The following ANKRD6 variants were observed in gnomAD, a reference collection of about 807,000 sequenced individuals.
The protein encoded by ANKRD6 is ankyrin repeat domain-containing protein 6.
In ANKRD6, 56 loss-of-function variants were observed where a neutral mutation model predicts 82.3. The observed-to-expected ratio is 0.68, with a 90% CI of 0.55 to 0.85. The LOEUF is 0.85. ANKRD6 is among the 40% of genes least tolerant of loss of function. The pLI is 0.00. For missense variants in ANKRD6, 852 were observed against 907.6 expected (o/e 0.94, Z 0.79); for synonymous variants, 347 against 352.1 (o/e 0.99, Z 0.16).
intron 1 of ANKRD6, among the ~76,000 whole-genome samples, chr6:89,539,795 A>G (rs576681092): frequency 1.3e-5 from 2 of 149,686 alleles, no homozygotes; most frequent in Non-Finnish European, 3.0e-5. Context: ...CCCAGCCCCC[A>G]ATAACTCCCC....
At chr6:89,617,850 C>A in intron 8 of ANKRD6, 104 bp from the exon 9 acceptor site, 1 of 1,071,624 alleles carries the variant, frequency 9.3e-7, no homozygotes, top group African/African-American at 1.5e-5. Context: ...CTGGGTGTGA[C>A]TGGGTGTGGA....
Position 89,606,117 on chromosome 6 carries a change from C to G in ANKRD6, c.417+12C>G, listed in dbSNP as rs977382372. ...TTGCCAAGAACAAGGTGAGGCCTGG[C>G]AGATGCTAGAATGCCTCATTCACAG... On this transcript the variant is annotated intron_variant, in intron 5 of 15. Coordinates refer to ENST00000339746, the MANE Select transcript of ANKRD6 (RefSeq NM_001242809.2). 2 of 1,542,504 alleles carry G rather than the reference C, an allele frequency of 1.3e-6. No homozygotes were observed. Among genetic ancestry groups the G allele is most frequent in the Admixed American group, 3.9e-5 (2 of 51,736 alleles).
intron 1 of ANKRD6, among the ~76,000 whole-genome samples, chr6:89,561,801 T>C (rs1311949786): frequency 6.6e-6 from 1 of 152,162 alleles, no homozygotes; most frequent in Non-Finnish European, 1.5e-5. Flanking sequence ...TGCTGGCAAT[T>C]TGTTTCCCCA....
At chr6:89,621,629 G>A in intron 9 of ANKRD6, 1 of 374,478 alleles carries the variant, frequency 2.7e-6, no homozygotes, top group Non-Finnish European at 5.1e-6. Flanking sequence ...CAGTCTCTGT[G>A]CATGTAGTTG....
chr6:89,614,848 A>AC (rs1295088889), intron 7 of ANKRD6, among the ~76,000 whole-genome samples: 1 of 147,294 alleles, frequency 6.8e-6, no homozygotes, highest in Non-Finnish European at 1.5e-5. Context: ...GAAAAAAAAA[A>AC]AAACAAAAAA....
intron 1 of ANKRD6, among the ~76,000 whole-genome samples, chr6:89,550,770 A>G (rs1230635589): frequency 2.0e-5 from 3 of 152,170 alleles, no homozygotes; most frequent in Non-Finnish European, 4.4e-5. Context: ...AGCCCAGCCA[A>G]CATGGTGAAA....
chr6:89,497,078 AAATT>A (rs1384096201), intron 1 of ANKRD6, among the ~76,000 whole-genome samples: 2 of 152,146 alleles, frequency 1.3e-5, no homozygotes, highest in Non-Finnish European at 2.9e-5. Context: ...CTGAACTTTC[AAATT>A]AATTGTTTCC....
At chr6:89,537,367 A>G (rs1783962047) in intron 1 of ANKRD6, among the ~76,000 whole-genome samples, 1 of 151,996 alleles carries the variant, frequency 6.6e-6, no homozygotes, top group Admixed American at 6.6e-5. Context: ...CCACCCACAC[A>G]CCCCACAAGG....
At chr6:89,507,684 T>C (rs1780038309) in intron 1 of ANKRD6, among the ~76,000 whole-genome samples, 1 of 152,220 alleles carries the variant, frequency 6.6e-6, no homozygotes, top group African/African-American at 2.4e-5. Context: ...GTGCCCTTGC[T>C]GATAAAAACT....
At chr6:89,623,839 C>A (rs773812312) in intron 11 of ANKRD6, 33 bp from the exon 12 acceptor site, 1 of 1,586,704 alleles carries the variant, frequency 6.3e-7, no homozygotes. Flanking sequence ...GAGGTCAAAG[C>A]GTTCAGGGGT....
At chr6:89,558,648 TGCATG>T (rs1163752314) in intron 1 of ANKRD6, among the ~76,000 whole-genome samples, 1 of 152,160 alleles carries the variant, frequency 6.6e-6, no homozygotes, top group Non-Finnish European at 1.5e-5. Context: ...TAATGGCAGA[TGCATG>T]GTATTATTCA....
intron 1 of ANKRD6, among the ~76,000 whole-genome samples, chr6:89,533,020 C>T (rs1441806371): frequency 1.3e-5 from 2 of 152,068 alleles, no homozygotes; most frequent in South Asian, 2.1e-4. Flanking sequence ...CTTACAGGCA[C>T]GTGCTGCCAT....
chr6:89,624,272 G>T (rs1485049620), intron 12 of ANKRD6, among the ~76,000 whole-genome samples: 3 of 152,168 alleles, frequency 2.0e-5, no homozygotes, highest in Non-Finnish European at 4.4e-5. Flanking sequence ...AGAGCTTGCT[G>T]CACAATCCTC....
At chr6:89,618,068 C>A (rs372765038) in intron 9 of ANKRD6, 37 bp downstream of exon 9, 1 of 1,606,470 alleles carries the variant, frequency 6.2e-7, no homozygotes, top group Non-Finnish European at 8.5e-7. Flanking sequence ...ACTGATTATG[C>A]GGGACTACAA....
intron 1 of ANKRD6, among the ~76,000 whole-genome samples, chr6:89,503,818 G>A (rs980720175): frequency 1.3e-4 from 20 of 152,160 alleles, no homozygotes; most frequent in African/African-American, 4.8e-4. Context: ...GGTGATAAGA[G>A]CATTCCTTGT....
At chr6:89,594,118 A>G (rs1795400296) in intron 2 of ANKRD6, among the ~76,000 whole-genome samples, 2 of 152,234 alleles carry the variant, frequency 1.3e-5, no homozygotes, top group Admixed American at 1.3e-4. Context: ...AATCTCAAAA[A>G]TACAAGGTTA....
In ANKRD6 at chr6:89,616,629, C is replaced by A. The variant is rs1408162443; in HGVS notation, c.686C>A (p.Ala229Asp). Reference protein sequence around the residue: ...HKKVAKILLEAGADTTIVNNA... With the variant: ...HKKVAKILLEDGADTTIVNNA... ...AAGGTGGCCAAAATCTTACTGGAAG[C>A]CGGAGCAGATACGACCATTGTTAAC... is the stretch of plus-strand genomic sequence containing the variant. The change falls in exon 8 of 16, where the codon GCC becomes GAC. Residue 229 changes from alanine to aspartate, a missense_variant. Coordinates refer to ENST00000339746, the MANE Select transcript of ANKRD6 (RefSeq NM_001242809.2). 6.2e-7 allele frequency: 1 copy of A among 1,613,916 alleles called. No homozygotes were observed. The highest frequency in any genetic ancestry group is 1.3e-5 in the African/African-American group (1 of 74,942).
intron 1 of ANKRD6, among the ~76,000 whole-genome samples, chr6:89,566,338 G>A (rs1788517286): frequency 1.3e-5 from 2 of 152,252 alleles, no homozygotes; most frequent in Non-Finnish European, 2.9e-5. Context: ...TAAATGCTAG[G>A]AGAAAACCCC....
At chr6:89,436,748 T>C (rs1770685325) in intron 1 of ANKRD6, among the ~76,000 whole-genome samples, 1 of 152,212 alleles carries the variant, frequency 6.6e-6, no homozygotes, top group South Asian at 2.1e-4. Flanking sequence ...TTTAAACGTT[T>C]TTTAAAAACA....
Sources: allele counts gnomAD v4.1 joint callset (sites outside exome capture counted in the v4.1 genomes callset), GRCh38; gene constraint gnomAD v4.1.1; transcripts MANE v1.5; gene names NCBI Gene and HGNC (gene_info 2026-07-23, HGNC 2026-07-21).